The following MTOR variants were observed in gnomAD, a reference collection of about 807,000 sequenced individuals.
MTOR encodes the protein serine/threonine-protein kinase mTOR.
In MTOR, 70 loss-of-function variants were observed where a neutral mutation model predicts 319.8. The ratio of observed to expected loss-of-function variants is 0.22; its 90% CI spans 0.18 to 0.27. MTOR has a LOEUF of 0.27. Ranked by LOEUF, MTOR falls within the 10% of genes least tolerant of loss-of-function variation. The probability of loss-of-function intolerance (pLI) is 1.00; values close to 1 mark genes in which losing one functional copy is unlikely to be tolerated. For missense variants in MTOR, 1,890 were observed against 3,274.4 expected, an observed-to-expected ratio of 0.58 and a Z score of 10.32; for synonymous variants, 1,183 against 1,211.4, an observed-to-expected ratio of 0.98 and a Z score of 0.49.
chr1:11,130,229 C>A (rs1433143767), intron 39 of MTOR, among the ~76,000 whole-genome samples: 1 of 152,186 alleles, frequency 6.6e-6, no homozygotes, highest in Non-Finnish European at 1.5e-5. Context: ...TCAGAGTGGA[C>A]CCGCAGCTGT....
chr1:11,187,736 G>C (rs1180999744), intron 28 of MTOR, among the ~76,000 whole-genome samples: 1 of 152,134 alleles, frequency 6.6e-6, no homozygotes, highest in Admixed American at 6.5e-5. Context: ...CAATATTTGG[G>C]GCCAGAGTCT....
At chr1:11,158,856 A>G (rs1414142734) in intron 29 of MTOR, among the ~76,000 whole-genome samples, 2 of 152,000 alleles carry the variant, frequency 1.3e-5, no homozygotes, top group African/African-American at 2.4e-5. Context: ...TGCAGAAACT[A>G]TAAGGTTTAA....
chr1:11,213,347 G>A, intron 21 of MTOR, 52 bp downstream of exon 21: 1 of 1,572,436 alleles, frequency 6.4e-7, no homozygotes, highest in Non-Finnish European at 8.6e-7. Flanking sequence ...GATCACCCAG[G>A]GACTCAGAGG....
intron 29 of MTOR, among the ~76,000 whole-genome samples, chr1:11,157,757 G>A (rs1361953630): frequency 6.6e-6 from 1 of 152,154 alleles, no homozygotes; most frequent in Non-Finnish European, 1.5e-5. Context: ...GGGCCAGAAA[G>A]ACCAGGCCTC....
rs1286935700 is a variant in MTOR at position 11,210,998 on chromosome 1, AT to A, written c.3562-93del. The A allele has an allele frequency of 4.6e-5, 34 of 732,102 alleles. No homozygotes were observed. In the Admixed American group the frequency reaches 7.9e-4, roughly 17 times the overall value. 45.4% of individuals were successfully genotyped at this position (732,102 alleles called of 1,614,324 possible). A position where few individuals can be genotyped will look rare whatever the true frequency, so the allele number is the denominator to read the frequency against. On this transcript the variant is annotated intron_variant, in intron 23 of 57. Transcript: ENST00000361445. The stretch of plus-strand genomic sequence containing the variant: ...AATATTATACAACTACATTATGACC[AT>A]TTCTTCTGGGTTTGTGGCTAGCTCT...
At chr1:11,151,113 C>G (rs1644125873) in intron 30 of MTOR, among the ~76,000 whole-genome samples, 1 of 152,148 alleles carries the variant, frequency 6.6e-6, no homozygotes, top group Admixed American at 6.5e-5. Context: ...ACATGAGCTG[C>G]TCTGCGCTCT....
intron 30 of MTOR, 45 bp downstream of exon 30, chr1:11,157,107 C>A (rs543659320): frequency 1.3e-6 from 2 of 1,532,868 alleles, no homozygotes; most frequent in African/African-American, 1.4e-5. Context: ...ATCAAAGAGA[C>A]GAAGTCTCTT....
At position 11,209,393 on chromosome 1, in the gene MTOR, G is replaced by A. The variant is rs1186397234; in HGVS notation, c.3720C>T (p.Gly1240=). Reference sequence around the variant, plus strand: ...GTCCACTAGCCAATGCATCCCCTTGGCCACTCCTAAGCATCCGATGCTGGT... The same window carrying A: ...GTCCACTAGCCAATGCATCCCCTTGACCACTCCTAAGCATCCGATGCTGGT... ...LIYQHRMLRS[G]QGDALASGPV... is the part of the protein sequence containing the mutation. Residue 1240 remains glycine, a synonymous_variant, in exon 25 of 58, where the codon GGC becomes GGT. Transcript: ENST00000361445. 1 of 1,613,980 alleles carries A rather than the reference G, an allele frequency of 6.2e-7. No individual in the cohort carries two copies. Among genetic ancestry groups the A allele is most frequent in the African/African-American group, 1.3e-5 (1 of 74,898 alleles).
At chr1:11,114,516 G>A (rs2100318669) in intron 52 of MTOR, 63 bp from the exon 53 acceptor site, 1 of 1,604,714 alleles carries the variant, frequency 6.2e-7, no homozygotes. Context: ...AGCAAGCCGA[G>A]GGGGTCTGTT....
intron 13 of MTOR, among the ~76,000 whole-genome samples, chr1:11,235,184 T>G (rs1647158219): frequency 6.6e-6 from 1 of 152,110 alleles, no homozygotes; most frequent in Non-Finnish European, 1.5e-5. Context: ...TGCAAGGAAA[T>G]GTGCCTCACG....
intron 16 of MTOR, 60 bp from the exon 17 acceptor site, chr1:11,231,494 G>T: frequency 1.3e-6 from 2 of 1,589,044 alleles, no homozygotes; most frequent in South Asian, 1.1e-5. Flanking sequence ...AAGCATAGTT[G>T]AACTCTTTGT....
In MTOR at chr1:11,129,800, G is replaced by C. The variant is rs763342156; in HGVS notation, c.5652C>G (p.Ala1884=). The C allele has an allele frequency of 5.6e-6, 9 of 1,614,218 alleles. No individual in the cohort carries two copies. The highest frequency in any genetic ancestry group is 6.8e-6 in the Non-Finnish European group (8 of 1,180,032). Reference sequence around the variant, plus strand: ...AGATGGAACGGAAGAAGCCCTGGACGGCAGGCACCGTGTACATCAGGAGGG... The same window carrying C: ...AGATGGAACGGAAGAAGCCCTGGACCGCAGGCACCGTGTACATCAGGAGGG... ...SKTLLMYTVP[A]VQGFFRSISL... is the part of the protein sequence containing the mutation. The change falls in exon 40 of 58, where the codon GCC becomes GCG. Residue 1884 remains alanine, a synonymous_variant. Coordinates refer to ENST00000361445, the MANE Select transcript of MTOR (RefSeq NM_004958.4). This position sits in a 1 kb window ranked among gnomAD's most constrained non-coding sequence, Gnocchi z 4.7.
chr1:11,234,393 C>T (rs1647126354), intron 13 of MTOR, 128 bp from the exon 14 acceptor site: 8 of 1,060,398 alleles, frequency 7.5e-6, no homozygotes, highest in East Asian at 2.4e-5. Flanking sequence ...GAAGTAGCTG[C>T]TAGATACTCA....
At chr1:11,120,412 C>T (rs1320058479) in intron 49 of MTOR, among the ~76,000 whole-genome samples, 1 of 152,080 alleles carries the variant, frequency 6.6e-6, no homozygotes, top group Admixed American at 6.6e-5. Context: ...GTGGTACGTG[C>T]CTGTAATCCC....
At chr1:11,237,158 G>A (rs752664079) in intron 13 of MTOR, among the ~76,000 whole-genome samples, 6 of 152,150 alleles carry the variant, frequency 3.9e-5, no homozygotes, top group Non-Finnish European at 7.3e-5. Flanking sequence ...GAGCAACATA[G>A]AGACCCACAA....
chr1:11,225,708 C>T (rs1364626874), intron 19 of MTOR, among the ~76,000 whole-genome samples: 1 of 152,112 alleles, frequency 6.6e-6, no homozygotes, highest in African/African-American at 2.4e-5. Context: ...AGGCATGAGC[C>T]ACCGCACCTG....
chr1:11,189,697 C>G, intron 28 of MTOR: 1 of 1,614,216 alleles, frequency 6.2e-7, no homozygotes, highest in Non-Finnish European at 8.5e-7. Flanking sequence ...ACAGCCACAG[C>G]TCAAAGCGGC....
chr1:11,153,314 A>T (rs1412223228), intron 30 of MTOR, among the ~76,000 whole-genome samples: 1 of 152,230 alleles, frequency 6.6e-6, no homozygotes, highest in Non-Finnish European at 1.5e-5. Flanking sequence ...CTTGGAGAAG[A>T]GTGAATAATT....
At chr1:11,141,370 C>A (rs1376506760) in intron 34 of MTOR, among the ~76,000 whole-genome samples, 1 of 151,888 alleles carries the variant, frequency 6.6e-6, no homozygotes, top group Non-Finnish European at 1.5e-5. Flanking sequence ...GCCTCAGCCT[C>A]CCAATGTGCT....
Sources: allele counts gnomAD v4.1 joint callset (sites outside exome capture counted in the v4.1 genomes callset), GRCh38; gene constraint gnomAD v4.1.1; non-coding constraint Gnocchi (gnomAD v3.1); transcripts MANE v1.5; gene names NCBI Gene and HGNC (gene_info 2026-07-23, HGNC 2026-07-21).